Variants in KCNK9 observed in about 807,000 individuals in gnomAD.
KCNK9 encodes the protein potassium two pore domain channel subfamily K member 9, also known as potassium channel subfamily K member 9.
KCNK9 carries 1 observed loss-of-function variant against 10.8 expected under a neutral mutation model. The ratio of observed to expected loss-of-function variants is 0.09; its 90% CI spans 0.03 to 0.44. KCNK9 has a LOEUF of 0.44. Among genes scored for constraint, KCNK9 ranks in the 20% least tolerant of loss-of-function variants. KCNK9 has a pLI of 0.97. For missense variants in KCNK9, 303 were observed against 515.0 expected (o/e 0.59, Z 3.98); for synonymous variants, 231 against 222.7 (o/e 1.04, Z -0.33).
At position 139,663,648 on chromosome 8, in the gene KCNK9, CGTGT is replaced by C. The variant is rs34660685; in HGVS notation, c.283+39058_283+39061del. 4.6e-3 allele frequency among the ~76,000 whole-genome samples: 627 copies of C among 137,588 alleles called. 2 individuals are homozygous for C. Among genetic ancestry groups the C allele is most frequent in the Middle Eastern group, 7.2e-3 (2 of 276 alleles). The allele number at this position is 137,588 out of a possible 152,430, so 90.3% of individuals were successfully genotyped here. On this transcript the variant is annotated intron_variant, in intron 1 of 1. Transcript: ENST00000520439. ...CCCCAGGAACAGACGCGCGTGCGCACGTGTGTGTGTGTGTGTGTGTGTGTGTGTG... is the reference window on the plus strand; with the variant it reads ...CCCCAGGAACAGACGCGCGTGCGCACGTGTGTGTGTGTGTGTGTGTGTGTG...
At chr8:139,694,436 G>A (rs980877228) in intron 1 of KCNK9, among the ~76,000 whole-genome samples, 5 of 152,218 alleles carry the variant, frequency 3.3e-5, no homozygotes, top group Admixed American at 2.6e-4. Flanking sequence ...GTGTGCCTGG[G>A]ATTGGGCCTC....
intron 1 of KCNK9, among the ~76,000 whole-genome samples, chr8:139,694,137 A>C (rs1816997601): frequency 6.6e-6 from 1 of 151,980 alleles, no homozygotes; most frequent in African/African-American, 2.4e-5. Context: ...GGGCCATGAG[A>C]TTAGATCAGG....
At chr8:139,660,556 G>A (rs904053172) in intron 1 of KCNK9, among the ~76,000 whole-genome samples, 8 of 151,694 alleles carry the variant, frequency 5.3e-5, no homozygotes, top group Non-Finnish European at 7.4e-5. Flanking sequence ...AGGAGGCAGA[G>A]GTTGCAGTGA....
intron 1 of KCNK9, among the ~76,000 whole-genome samples, chr8:139,679,722 C>T (rs1816641874): frequency 6.6e-6 from 1 of 152,188 alleles, no homozygotes; most frequent in South Asian, 2.1e-4. Context: ...CAAAGAAGCC[C>T]AGGTTCTACC....
chr8:139,658,015 T>C (rs1816064220), intron 1 of KCNK9, among the ~76,000 whole-genome samples: 1 of 152,218 alleles, frequency 6.6e-6, no homozygotes, highest in Non-Finnish European at 1.5e-5. Flanking sequence ...TGGTTTCCTG[T>C]TGGGTTTAGA....
At chr8:139,610,434 G>C (rs147898092), downstream of KCNK9, among the ~76,000 whole-genome samples, 1 of 152,296 alleles carries the variant, frequency 6.6e-6, no homozygotes, top group East Asian at 1.9e-4. Context: ...CTTTTATACA[G>C]CATTTTCCTT....
rs764246254 is a variant in KCNK9, at chr8:139,618,730, G to A, written c.653C>T (p.Pro218Leu). ...CATAAAGCTAAAGGCCACGTAGAGC[G>A]GCTTCTTCTGCAGGGCACCCTTGGT... Reference protein sequence around the residue: ...LQTKGALQKKPLYVAFSFMYI... With the variant: ...LQTKGALQKKLLYVAFSFMYI... Residue 218 changes from proline to leucine, a missense_variant, in exon 2 of 2, where the codon CCG (proline) becomes CTG (leucine). Transcript: ENST00000520439. The surrounding 1 kb of genome is among the most constrained non-coding windows in gnomAD (Gnocchi z 7.9). The A allele has an allele frequency of 2.5e-6, 4 of 1,614,182 alleles. No homozygotes were observed. Among genetic ancestry groups the A allele is most frequent in the East Asian group, 2.2e-5 (1 of 44,872 alleles).
chr8:139,627,951 A>C (rs1815029869), intron 1 of KCNK9, among the ~76,000 whole-genome samples: 1 of 152,240 alleles, frequency 6.6e-6, no homozygotes, highest in South Asian at 2.1e-4. Flanking sequence ...GGGTGACTCA[A>C]TTCTGAGTTT....
At chr8:139,661,562 C>CTATA (rs1816151823) in intron 1 of KCNK9, among the ~76,000 whole-genome samples, 1 of 152,200 alleles carries the variant, frequency 6.6e-6, no homozygotes, top group Non-Finnish European at 1.5e-5. Context: ...CCTCAGCTTC[C>CTATA]CAGTGATAAG....
intron 1 of KCNK9, among the ~76,000 whole-genome samples, chr8:139,688,423 A>T (rs372539637): frequency 2.6e-5 from 4 of 152,362 alleles, no homozygotes; most frequent in African/African-American, 9.6e-5. Flanking sequence ...AGGTGGCAGA[A>T]AAGAGTGAGT....
At chr8:139,637,102 G>C (rs1310454214) in intron 1 of KCNK9, among the ~76,000 whole-genome samples, 1 of 152,176 alleles carries the variant, frequency 6.6e-6, no homozygotes, top group African/African-American at 2.4e-5. Context: ...CATACTCCCG[G>C]GAGCCTAAAA....
intron 1 of KCNK9, among the ~76,000 whole-genome samples, chr8:139,685,513 A>G (rs1816771447): frequency 6.6e-6 from 1 of 152,134 alleles, no homozygotes; most frequent in African/African-American, 2.4e-5. Context: ...ACTCCCACCT[A>G]TGAGTGAGAA....
At chr8:139,647,937 G>A (rs906318953) in intron 1 of KCNK9, among the ~76,000 whole-genome samples, 4 of 152,194 alleles carry the variant, frequency 2.6e-5, no homozygotes, top group African/African-American at 2.4e-5. Flanking sequence ...CCATTCCTAG[G>A]AATATGCCCA....
intron 1 of KCNK9, among the ~76,000 whole-genome samples, chr8:139,679,725 G>T (rs556856685): frequency 6.6e-6 from 1 of 152,198 alleles, no homozygotes; most frequent in African/African-American, 2.4e-5. Context: ...AGAAGCCCAG[G>T]TTCTACCTTC....
chr8:139,689,597 A>G (rs1816891857), intron 1 of KCNK9, among the ~76,000 whole-genome samples: 1 of 152,070 alleles, frequency 6.6e-6, no homozygotes, highest in African/African-American at 2.4e-5. Context: ...TGTCATGGCA[A>G]AAGAGTCGTC....
At chr8:139,684,841 T>G (rs1481619278) in intron 1 of KCNK9, among the ~76,000 whole-genome samples, 1 of 152,204 alleles carries the variant, frequency 6.6e-6, no homozygotes, top group East Asian at 1.9e-4. Flanking sequence ...CACATCAAAA[T>G]GCCTATAGAG....
At chr8:139,680,169 G>T (rs1484739185) in intron 1 of KCNK9, among the ~76,000 whole-genome samples, 1 of 152,238 alleles carries the variant, frequency 6.6e-6, no homozygotes, top group African/African-American at 2.4e-5. Context: ...TCTGCCCAGA[G>T]CCAGCCAAGC....
intron 1 of KCNK9, among the ~76,000 whole-genome samples, chr8:139,682,694 G>A (rs1035937245): frequency 5.3e-5 from 8 of 152,194 alleles, no homozygotes; most frequent in African/African-American, 1.9e-4. Context: ...TTGTGAGCAG[G>A]GCAGTGACTC....
At chr8:139,633,899 A>G (rs1815253549) in intron 1 of KCNK9, among the ~76,000 whole-genome samples, 1 of 152,268 alleles carries the variant, frequency 6.6e-6, no homozygotes. Flanking sequence ...TGGAGCCTGC[A>G]GCCTTTCAAT....
Sources: gnomAD v4.1 joint callset for allele counts (sites outside exome capture counted in the v4.1 genomes callset) on GRCh38, gnomAD v4.1.1 for gene constraint, Gnocchi (gnomAD v3.1) non-coding constraint, MANE v1.5 for transcripts, NCBI Gene and HGNC (gene_info 2026-07-23, HGNC 2026-07-21) for gene names.